Variants in PRRC2B observed in about 807,000 individuals in gnomAD.
PRRC2B encodes proline rich coiled-coil 2B.
A neutral mutation model predicts 242.3 loss-of-function variants in PRRC2B; 68 were observed. The ratio of observed to expected loss-of-function variants is 0.28; its 90% CI spans 0.23 to 0.34. The LOEUF (loss-of-function observed/expected upper bound fraction) is 0.34, where lower values mean the gene tolerates loss of function less well. Among genes scored for constraint, PRRC2B ranks in the 10% least tolerant of loss-of-function variants. The pLI, the probability that PRRC2B is intolerant of heterozygous loss-of-function variation, is 1.00. For synonymous variants in PRRC2B, 1,228 were observed against 1,173.6 expected (o/e 1.05, Z -0.95); for missense variants, 2,835 against 2,954.8 (o/e 0.96, Z 0.94).
rs868475081 is a variant in PRRC2B at position 131,482,791 on chromosome 9, G to A, written c.5257G>A (p.Gly1753Ser). ...CGAGCGTTCTCTGAAAAACAGAAAG[G>A]GCTCGGAGGGGGCCGAGCGGCTGCA... The part of the protein sequence containing the change: ...GNERSLKNRK[G>S]SEGAERLQGA... The change falls in exon 22 of 32, where the codon GGC becomes AGC. Residue 1753 changes from glycine to serine, a missense_variant. Gly to Ser is a moderately conservative substitution (Grantham distance 56). This residue lies in a region of PRRC2B where 574 missense variants were observed against 626.0 expected (regional missense o/e 0.92). Coordinates refer to ENST00000683519, the MANE Select transcript of PRRC2B (RefSeq NM_013318.4). The surrounding 1 kb of genome is among the most constrained non-coding windows in gnomAD (Gnocchi z 5.2). 1.2e-6 allele frequency: 2 copies of A among 1,610,986 alleles called. No individual in the cohort carries two copies. The highest frequency in any genetic ancestry group is 1.3e-5 in the African/African-American group (1 of 74,966).
At chr9:131,427,677 G>GC (rs1381366171) in intron 1 of PRRC2B, among the ~76,000 whole-genome samples, 1 of 152,016 alleles carries the variant, frequency 6.6e-6, no homozygotes, top group African/African-American at 2.4e-5. Flanking sequence ...GGTACAGATT[G>GC]CCCCCCACCA....
chr9:131,458,360 A>C (rs967293661), intron 10 of PRRC2B, among the ~76,000 whole-genome samples: 1 of 152,108 alleles, frequency 6.6e-6, no homozygotes, highest in Non-Finnish European at 1.5e-5. Context: ...CTGACTTTTT[A>C]AATCAAGAGT....
chr9:131,487,408 C>A lies in PRRC2B; in HGVS notation c.5984+114C>A, dbSNP rs942539222. 1 of 410,072 alleles carries A rather than the reference C, an allele frequency of 2.4e-6. No individual in the cohort carries two copies. Among genetic ancestry groups the A allele is most frequent in the Non-Finnish European group, 4.6e-6 (1 of 218,730 alleles). 25.4% of individuals were successfully genotyped at this position (410,072 alleles called of 1,614,324 possible). The stretch of plus-strand genomic sequence containing the variant: ...CTTGTCTGCTTTGGGGCCAGTGGGG[C>A]GGGGAGGGGTGGGAGTTTGCTCTGA... On this transcript the variant is annotated intron_variant, in intron 27 of 31. Transcript: ENST00000683519. This position sits in a 1 kb window ranked among gnomAD's most constrained non-coding sequence, Gnocchi z 5.3.
chr9:131,433,471 G>C (rs1004318460), intron 3 of PRRC2B, among the ~76,000 whole-genome samples: 1 of 152,214 alleles, frequency 6.6e-6, no homozygotes, highest in South Asian at 2.1e-4. Context: ...GGGCCTGGCT[G>C]CCTGGGGCCC....
chr9:131,458,808 TATA>T (rs1943158506), intron 10 of PRRC2B, among the ~76,000 whole-genome samples: 1 of 152,168 alleles, frequency 6.6e-6, no homozygotes, highest in Non-Finnish European at 1.5e-5. Context: ...CAGGCCCTCT[TATA>T]ATGTTTTAAG....
At chr9:131,450,776 C>G in intron 9 of PRRC2B, among the ~76,000 whole-genome samples, 1 of 151,782 alleles carries the variant, frequency 6.6e-6, no homozygotes, top group Non-Finnish European at 1.5e-5. Flanking sequence ...TTAGTAGAGA[C>G]GAAGTTTCAC....
chr9:131,462,344 C>G (rs920773909), intron 11 of PRRC2B, among the ~76,000 whole-genome samples: 2 of 152,082 alleles, frequency 1.3e-5, no homozygotes, highest in African/African-American at 4.8e-5. Context: ...TCCCAAGTAG[C>G]TGGGATTATA....
At chr9:131,495,672 G>A in intron 31 of PRRC2B, 68 bp from the exon 32 acceptor site, 1 of 1,544,802 alleles carries the variant, frequency 6.5e-7, no homozygotes, top group Non-Finnish European at 8.8e-7. Context: ...AGGGAGTGGT[G>A]GGAACTATGT....
In PRRC2B at chr9:131,476,152, C is replaced by G; in HGVS notation, c.4023C>G (p.Gly1341=). The G allele has an allele frequency of 6.2e-7, 1 of 1,612,360 alleles. No homozygotes were observed. Among genetic ancestry groups the G allele is most frequent in the Non-Finnish European group, 8.5e-7 (1 of 1,179,196 alleles). The part of the protein sequence containing the change: ...EPHLLAGQWP[G]RPKLCSGDKS... ...ACCTGCTGGCAGGTCAGTGGCCAGG[C>G]AGGCCCAAACTGTGTTCTGGGGACA... The change falls in exon 16 of 32, where the codon GGC becomes GGG. Residue 1341 remains glycine, a synonymous_variant. Coordinates refer to ENST00000683519, the MANE Select transcript of PRRC2B (RefSeq NM_013318.4).
intron 1 of PRRC2B, among the ~76,000 whole-genome samples, chr9:131,404,707 G>C (rs953826193): frequency 6.6e-6 from 1 of 152,182 alleles, no homozygotes; most frequent in African/African-American, 2.4e-5. Flanking sequence ...GTGATAAAAT[G>C]TCTCAGCGTG....
rs1267400479 is a variant in PRRC2B, at chr9:131,449,726, G to A, written c.1120+1922G>A. Among the ~76,000 whole-genome samples the A allele has an allele frequency of 9.9e-5, 15 of 152,134 alleles. 1 individual carries two copies. Among genetic ancestry groups the A allele is most frequent in the Admixed American group, 7.9e-4 (12 of 15,272 alleles). On this transcript the variant is annotated intron_variant, in intron 9 of 31. Coordinates refer to ENST00000683519, the MANE Select transcript of PRRC2B (RefSeq NM_013318.4). ...TTTTTAAACACTGTTTTGGTGAGCA[G>A]AAGTTTGAATTTTGAAGTTTAATTT... is the stretch of plus-strand genomic sequence containing the variant.
intron 1 of PRRC2B, among the ~76,000 whole-genome samples, chr9:131,418,292 T>C (rs994736032): frequency 6.6e-6 from 1 of 152,244 alleles, no homozygotes; most frequent in Non-Finnish European, 1.5e-5. Flanking sequence ...CTCTTCCTTC[T>C]GGAAACTTGT....
intron 11 of PRRC2B, among the ~76,000 whole-genome samples, chr9:131,464,142 A>G (rs899754553): frequency 2.0e-5 from 3 of 152,110 alleles, no homozygotes; most frequent in Non-Finnish European, 4.4e-5. Flanking sequence ...GTGTTTCACC[A>G]TGTTGGCCAG....
chr9:131,462,855 AAG>A (rs1491216621), intron 11 of PRRC2B, among the ~76,000 whole-genome samples: 14 of 151,396 alleles, frequency 9.2e-5, no homozygotes, highest in Non-Finnish European at 1.9e-4. Flanking sequence ...AAAAAAAAAA[AAG>A]GTCTCAGTGC....
chr9:131,490,395 TAA>T, intron 28 of PRRC2B: 1 of 514,456 alleles, frequency 1.9e-6, no homozygotes, highest in Non-Finnish European at 3.9e-6. Context: ...CAGCACTCTA[TAA>T]ATGGCAGCAT....
At chr9:131,391,289 C>T (rs550291214), upstream of PRRC2B, among the ~76,000 whole-genome samples, 1 of 152,022 alleles carries the variant, frequency 6.6e-6, no homozygotes, top group African/African-American at 2.4e-5. Context: ...TTTGTAGCTT[C>T]TAGAGGCAGC....
chr9:131,465,017 G>T lies in PRRC2B; in HGVS notation c.1659G>T (p.Val553=). 6.2e-7 allele frequency: 1 copy of T among 1,613,974 alleles called. No homozygotes were observed. Reference sequence around the variant, plus strand: ...CCCGGAAGCAGGCAGAGAAGGAAGTGCCCTGGTCTCCAAGTGCTGAGAAGG... The same window carrying T: ...CCCGGAAGCAGGCAGAGAAGGAAGTTCCCTGGTCTCCAAGTGCTGAGAAGG... ...GEARKQAEKE[V]PWSPSAEKAS... The change falls in exon 12 of 32, where the codon GTG becomes GTT. Residue 553 remains valine (V), a synonymous_variant. Transcript: ENST00000683519.
In PRRC2B at chr9:131,474,035, A is replaced by G. The variant is rs116812150; in HGVS notation, c.2324+311A>G. ...GGGTCCAGAGCATGGGTCTTGGCTC[A>G]TTTCTGTGGAAGTAAACAGAGTTAG... On this transcript the variant is annotated intron_variant, in intron 15 of 31. Transcript: ENST00000683519. Among the ~76,000 whole-genome samples the G allele has an allele frequency of 3.7e-3, 564 of 152,272 alleles. 2 individuals carry two copies. Among genetic ancestry groups the G allele is most frequent in the African/African-American group, 0.013 (549 of 41,560 alleles).
Position 131,482,304 on chromosome 9 carries a change from G to T in PRRC2B, c.4984-67G>T. On this transcript the variant is annotated intron_variant, in intron 20 of 31. Coordinates refer to ENST00000683519, the MANE Select transcript of PRRC2B (RefSeq NM_013318.4). This position sits in a 1 kb window ranked among gnomAD's most constrained non-coding sequence, Gnocchi z 5.2. ...GGGTAGAAAAGTCTCTGTGCCACAT[G>T]CAGTTTTACTCTCTGGATAATCGAG... is the stretch of plus-strand genomic sequence containing the variant. The T allele has an allele frequency of 4.1e-6, 6 of 1,475,194 alleles. No homozygotes were observed. Among genetic ancestry groups the T allele is most frequent in the Non-Finnish European group, 4.6e-6 (5 of 1,095,862 alleles). 91.4% of individuals were successfully genotyped at this position (1,475,194 alleles called of 1,614,324 possible). A position where few individuals can be genotyped will look rare whatever the true frequency, so the allele number is the denominator to read the frequency against.
Sources: allele counts gnomAD v4.1 joint callset (sites outside exome capture counted in the v4.1 genomes callset), GRCh38; gene constraint gnomAD v4.1.1; regional missense constraint gnomAD v4.1.1; non-coding constraint Gnocchi (gnomAD v3.1); transcripts MANE v1.5; gene names NCBI Gene and HGNC (gene_info 2026-07-23, HGNC 2026-07-21).